The following POLH variants were observed in gnomAD, a reference collection of about 807,000 sequenced individuals.
POLH encodes DNA polymerase eta transcript.
In POLH, 53 loss-of-function variants were observed where a neutral mutation model predicts 73.6. The ratio of observed to expected loss-of-function variants is 0.72; its 90% CI spans 0.58 to 0.91. The LOEUF is 0.91. POLH is among the 40% of genes least tolerant of loss of function. The probability of loss-of-function intolerance (pLI) is 0.00; values close to 1 mark genes in which losing one functional copy is unlikely to be tolerated. For synonymous variants in POLH, 292 were observed against 308.5 expected (o/e 0.95, Z 0.56); for missense variants, 768 against 865.4 (o/e 0.89, Z 1.41).
At chr6:43,607,088 TTTTG>T (rs1203185879) in intron 9 of POLH, among the ~76,000 whole-genome samples, 1 of 152,220 alleles carries the variant, frequency 6.6e-6, no homozygotes, top group African/African-American at 2.4e-5. Context: ...CTTAGTCATT[TTTTG>T]TTTGTTTTGT....
chr6:43,609,925 G>T (rs1036746100), intron 9 of POLH, among the ~76,000 whole-genome samples: 1 of 152,012 alleles, frequency 6.6e-6, no homozygotes, highest in Admixed American at 6.6e-5. Context: ...AGGATACTCC[G>T]ATGTTCCATA....
rs1402028285 is a variant in POLH at position 43,587,378 on chromosome 6, G to A, written c.379G>A (p.Glu127Lys). ...CGTAGATCTGACCAGTGCTGTACAAGAGAGACTACAAAAGCTACAAGGTCA... is the reference window on the plus strand; with the variant it reads ...CGTAGATCTGACCAGTGCTGTACAAAAGAGACTACAAAAGCTACAAGGTCA... ...AYVDLTSAVQ[E>K]RLQKLQGQPI... The change falls in exon 4 of 11, where the codon GAG becomes AAG. Residue 127 changes from glutamate to lysine, a missense_variant. Physicochemically the swap from Glu to Lys is moderately conservative, Grantham distance 56. Coordinates refer to ENST00000372236, the MANE Select transcript of POLH (RefSeq NM_006502.3). 6.2e-7 allele frequency: 1 copy of A among 1,614,130 alleles called. No individual in the cohort carries two copies. Among genetic ancestry groups the A allele is most frequent in the South Asian group, 1.1e-5 (1 of 91,088 alleles).
chr6:43,610,763 G>A (rs1767804304), intron 10 of POLH, 40 bp downstream of exon 10: 1 of 1,510,540 alleles, frequency 6.6e-7, no homozygotes, highest in East Asian at 2.3e-5. Flanking sequence ...AATAGATGAT[G>A]ATTCTTAGCT....
intron 4 of POLH, among the ~76,000 whole-genome samples, chr6:43,595,788 T>C (rs1038191241): frequency 6.6e-6 from 1 of 151,326 alleles, no homozygotes; most frequent in African/African-American, 2.4e-5. Context: ...ATCTCAAAAA[T>C]AAATAATTAA....
chr6:43,601,662 C>T (rs1332687936), intron 6 of POLH, among the ~76,000 whole-genome samples: 3 of 152,170 alleles, frequency 2.0e-5, no homozygotes, highest in Admixed American at 6.5e-5. Flanking sequence ...GTGGCTCACA[C>T]CTATAGTCCC....
At chr6:43,594,022 C>G (rs1765772688) in intron 4 of POLH, among the ~76,000 whole-genome samples, 1 of 151,652 alleles carries the variant, frequency 6.6e-6, no homozygotes, top group African/African-American at 2.4e-5. Flanking sequence ...TTTTTCTTAT[C>G]AACTAGAGAA....
chr6:43,582,355 G>A lies in POLH; in HGVS notation c.36G>A (p.Val12=). The A allele has an allele frequency of 1.2e-6, 2 of 1,614,096 alleles. No individual in the cohort carries two copies. Among genetic ancestry groups the A allele is most frequent in the Non-Finnish European group, 1.7e-6 (2 of 1,179,960 alleles). ...GACAGGATCGAGTGGTTGCTCTCGT[G>A]GACATGGACTGTTTTTTTGTTCAAG... ...ATGQDRVVAL[V]DMDCFFVQVE... Residue 12 remains valine, a synonymous_variant, in exon 2 of 11, where the codon GTG becomes GTA. Coordinates refer to ENST00000372236, the MANE Select transcript of POLH (RefSeq NM_006502.3).
Position 43,616,457 on chromosome 6 carries a change from C to T in POLH, c.*1900C>T, listed in dbSNP as rs1186294639. 6.6e-6 allele frequency among the ~76,000 whole-genome samples: 1 copy of T among 151,520 alleles called. No individual in the cohort carries two copies. The highest frequency in any genetic ancestry group is 1.5e-5 in the Non-Finnish European group (1 of 67,896). ...AAAAAAAATTAGCTGGGCTTGGTGG[C>T]AGGCGCCTGTAATCCCAGGTACTCG... On this transcript the variant is annotated 3_prime_UTR_variant, in exon 11 of 11. Transcript: ENST00000372236.
At chr6:43,591,616 G>A (rs1765471832) in intron 4 of POLH, among the ~76,000 whole-genome samples, 1 of 146,340 alleles carries the variant, frequency 6.8e-6, no homozygotes, top group Admixed American at 6.9e-5. Context: ...ACCGCACCCA[G>A]CCTGATTTTT....
intron 2 of POLH, 69 bp downstream of exon 2, chr6:43,582,525 G>A: frequency 6.6e-7 from 1 of 1,505,114 alleles, no homozygotes; most frequent in Non-Finnish European, 9.2e-7. Flanking sequence ...GTCCTTTGTT[G>A]TTGTGGTGGT....
intron 3 of POLH, among the ~76,000 whole-genome samples, chr6:43,584,047 T>C (rs1344198892): frequency 6.6e-6 from 1 of 151,700 alleles, no homozygotes; most frequent in Non-Finnish European, 1.5e-5. Flanking sequence ...GGAAGCTGAG[T>C]TGAGAGGATT....
chr6:43,594,981 T>C (rs9333533), intron 4 of POLH, among the ~76,000 whole-genome samples: 7,600 of 151,118 alleles, frequency 0.05, 283 homozygotes, highest in Non-Finnish European at 0.075. Context: ...GGGGATTGCT[T>C]GAGTCCAGGA....
intron 5 of POLH, among the ~76,000 whole-genome samples, chr6:43,598,721 A>G (rs1766399905): frequency 6.6e-6 from 1 of 152,134 alleles, no homozygotes; most frequent in African/African-American, 2.4e-5. Flanking sequence ...TAGGTGTTAT[A>G]AGAAATTAGA....
chr6:43,598,177 C>T (rs1385561311), intron 5 of POLH, among the ~76,000 whole-genome samples: 1 of 143,744 alleles, frequency 7.0e-6, no homozygotes, highest in Non-Finnish European at 1.5e-5. Flanking sequence ...TGTACTTCAG[C>T]TTGGGCGACA....
intron 3 of POLH, among the ~76,000 whole-genome samples, chr6:43,584,694 T>G (rs1481026288): frequency 6.6e-6 from 1 of 152,194 alleles, no homozygotes; most frequent in Non-Finnish European, 1.5e-5. Context: ...CCCTCCTTCC[T>G]TTCCATCACA....
intron 5 of POLH, 128 bp from the exon 6 acceptor site, chr6:43,600,860 G>C: frequency 1.4e-6 from 1 of 738,540 alleles, no homozygotes; most frequent in Non-Finnish European, 2.5e-6. Flanking sequence ...TTTTATTTTT[G>C]TTTTTAATGT....
chr6:43,577,159 CAG>C (rs908815919), intron 1 of POLH, among the ~76,000 whole-genome samples: 4 of 152,226 alleles, frequency 2.6e-5, no homozygotes, highest in Admixed American at 2.6e-4. Flanking sequence ...GCCTGGGCGA[CAG>C]AGCGAAACTC....
chr6:43,579,098 T>C (rs966325135), intron 1 of POLH, among the ~76,000 whole-genome samples: 5 of 152,218 alleles, frequency 3.3e-5, no homozygotes, highest in African/African-American at 1.2e-4. Flanking sequence ...TCCTAGCTCA[T>C]AACTCCCCTA....
intron 4 of POLH, among the ~76,000 whole-genome samples, chr6:43,592,770 A>G (rs1268340827): frequency 1.3e-5 from 2 of 152,180 alleles, no homozygotes; most frequent in Admixed American, 1.3e-4. Context: ...AGATTTACTT[A>G]AAGTACTTCT....
Sources: allele counts gnomAD v4.1 joint callset (sites outside exome capture counted in the v4.1 genomes callset), GRCh38; gene constraint gnomAD v4.1.1; transcripts MANE v1.5; gene names NCBI Gene and HGNC (gene_info 2026-07-23, HGNC 2026-07-21).